CCDC141: variants seen among roughly 807,000 people sequenced by gnomAD.
CCDC141 encodes the protein coiled-coil domain-containing protein 141.
Under a neutral mutation model 181.0 loss-of-function variants are expected in CCDC141, and 168 were observed. The observed-to-expected ratio is 0.93, with a 90% CI of 0.82 to 1.05. The LOEUF (loss-of-function observed/expected upper bound fraction) is 1.05, where lower values mean the gene tolerates loss of function less well. CCDC141 is among the 50% of genes least tolerant of loss of function. The pLI, the probability that CCDC141 is intolerant of heterozygous loss-of-function variation, is 0.00. For synonymous variants in CCDC141, 666 were observed against 642.3 expected (o/e 1.04, Z -0.56); for missense variants, 1,902 against 1,788.5 (o/e 1.06, Z -1.14).
At chr2:178,959,148 T>TG (rs1690285075) in intron 5 of CCDC141, among the ~76,000 whole-genome samples, 1 of 107,692 alleles carries the variant, frequency 9.3e-6, no homozygotes, top group Non-Finnish European at 1.9e-5. Flanking sequence ...TGTTGTGGGG[T>TG]GGGGGAAGGG....
chr2:178,822,059 A>G, the CCDC141 span, among the ~76,000 whole-genome samples: 2 of 152,284 alleles, frequency 1.3e-5, no homozygotes, highest in South Asian at 4.2e-4. Flanking sequence ...CATATACAAC[A>G]TGGAATACTA....
At chr2:179,036,667 C>G (rs1227681273) in intron 2 of CCDC141, among the ~76,000 whole-genome samples, 2 of 152,096 alleles carry the variant, frequency 1.3e-5, no homozygotes, top group African/African-American at 4.8e-5. Flanking sequence ...TTTTCAAAAC[C>G]CTAAAAGAGA....
chr2:179,022,806 C>T (rs2042725465), intron 2 of CCDC141, among the ~76,000 whole-genome samples: 1 of 152,136 alleles, frequency 6.6e-6, no homozygotes, highest in Non-Finnish European at 1.5e-5. Context: ...ATGCCAAGGA[C>T]AGAGGCACAC....
Position 178,882,051 on chromosome 2 carries a change from A to G in CCDC141, c.1719+2850T>C, listed in dbSNP as rs965369651. ...GGACATCACTGTAGAACAAAGGAAA[A>G]GAAGCAATGGAAAAGAAACCTGTTA... On this transcript the variant is annotated intron_variant, in intron 11 of 23. Transcript: ENST00000443758. 1.8e-4 allele frequency among the ~76,000 whole-genome samples: 28 copies of G among 152,086 alleles called. 1 individual carries two copies. The Middle Eastern group carries it at 9.5e-3, about 52-fold the overall frequency.
rs1684199984 is a variant in CCDC141, at chr2:178,830,234, G to A, written c.*3939C>T. On this transcript the variant is annotated 3_prime_UTR_variant, in exon 24 of 24. Transcript: ENST00000443758. ...AAATGTTGGAACAATATTGATCCAG[G>A]AACAACAATCCTGGACCTTTCCTCT... 1 of 152,192 alleles carries A rather than the reference G, an allele frequency of 6.6e-6. No individual in the cohort carries two copies. Among genetic ancestry groups the A allele is most frequent in the Non-Finnish European group, 1.5e-5 (1 of 68,028 alleles). The allele number at this position is 152,192 out of a possible 1,614,324, so 9.4% of individuals were successfully genotyped here. A position where few individuals can be genotyped will look rare whatever the true frequency, so the allele number is the denominator to read the frequency against.
At chr2:178,955,450 C>T (rs980695105) in intron 5 of CCDC141, among the ~76,000 whole-genome samples, 4 of 151,948 alleles carry the variant, frequency 2.6e-5, no homozygotes, top group Non-Finnish European at 5.9e-5. Context: ...ATTAAGAAAT[C>T]GAAGCAACTC....
At chr2:178,903,368 C>G (rs2154372714) in intron 8 of CCDC141, among the ~76,000 whole-genome samples, 1 of 151,992 alleles carries the variant, frequency 6.6e-6, no homozygotes, top group Non-Finnish European at 1.5e-5. Context: ...AAATGTCCAA[C>G]AATGATAGAC....
the CCDC141 span, among the ~76,000 whole-genome samples, chr2:178,820,144 G>A: frequency 6.6e-6 from 1 of 152,162 alleles, no homozygotes; most frequent in African/African-American, 2.4e-5. Context: ...AGTTACTTCT[G>A]TTTGAAAATG....
In CCDC141 at chr2:178,834,073, A is replaced by G; in HGVS notation, c.*100T>C. ...CAAGTATGGTGATCAGACTGGAGAT[A>G]CACTTGGTGGGAGATGCTTTGCAGG... is the stretch of plus-strand genomic sequence containing the variant. On this transcript the variant is annotated 3_prime_UTR_variant, in exon 24 of 24. Coordinates refer to ENST00000443758, the MANE Select transcript of CCDC141 (RefSeq NM_173648.4). 1 of 1,199,530 alleles carries G rather than the reference A, an allele frequency of 8.3e-7. No homozygotes were observed. The highest frequency in any genetic ancestry group is 1.2e-6 in the Non-Finnish European group (1 of 859,582). The allele number at this position is 1,199,530 out of a possible 1,614,324, so 74.3% of individuals were successfully genotyped here.
chr2:178,847,175 T>C (rs1487986418), intron 21 of CCDC141, among the ~76,000 whole-genome samples: 1 of 152,208 alleles, frequency 6.6e-6, no homozygotes, highest in Non-Finnish European at 1.5e-5. Flanking sequence ...AGTTCTTCTC[T>C]GTACCAATCC....
chr2:179,007,163 C>T (rs2042142782), intron 2 of CCDC141, among the ~76,000 whole-genome samples: 1 of 152,178 alleles, frequency 6.6e-6, no homozygotes, highest in African/African-American at 2.4e-5. Context: ...AGATTCTATT[C>T]ACTAGTTACA....
At chr2:179,026,013 T>G (rs2042833485) in intron 2 of CCDC141, among the ~76,000 whole-genome samples, 1 of 152,190 alleles carries the variant, frequency 6.6e-6, no homozygotes, top group South Asian at 2.1e-4. Context: ...TTGGGTGCTG[T>G]TAAAGGCCTT....
Position 178,918,986 on chromosome 2 carries a change from G to A in CCDC141, c.898-79C>T. 2.4e-6 allele frequency: 3 copies of A among 1,268,738 alleles called. No homozygotes were observed. The Middle Eastern group carries it at 6.1e-4, about 258-fold the overall frequency. The allele number at this position is 1,268,738 out of a possible 1,614,324, so 78.6% of individuals were successfully genotyped here. ...GCTTGTGTCCCCCCGAAATTCCTCT[G>A]CTGAAATCTAACCCCCAAGGTGATG... On this transcript the variant is annotated intron_variant, in intron 6 of 23. Coordinates refer to ENST00000443758, the MANE Select transcript of CCDC141 (RefSeq NM_173648.4).
chr2:178,963,361 A>G (rs900107250), intron 4 of CCDC141, among the ~76,000 whole-genome samples: 1 of 152,218 alleles, frequency 6.6e-6, no homozygotes, highest in African/African-American at 2.4e-5. Flanking sequence ...TTATTAGAAG[A>G]AAAGAAAATG....
intron 11 of CCDC141, among the ~76,000 whole-genome samples, chr2:178,879,664 A>AT: frequency 6.6e-6 from 1 of 152,316 alleles, no homozygotes; most frequent in East Asian, 1.9e-4. Flanking sequence ...ACAAAGACAC[A>AT]TATACAGACA....
At chr2:179,015,069 T>TAG (rs1559048367) in intron 2 of CCDC141, among the ~76,000 whole-genome samples, 3 of 13,704 alleles carry the variant, frequency 2.2e-4, no homozygotes, top group South Asian at 1.5e-3. Flanking sequence ...GAGACAGAGA[T>TAG]ATATATATAT....
At chr2:178,815,907 C>T in the CCDC141 span, among the ~76,000 whole-genome samples, 5 of 152,012 alleles carry the variant, frequency 3.3e-5, no homozygotes, top group African/African-American at 1.2e-4. Context: ...AGACTACATT[C>T]ATTAGAGGTT....
the CCDC141 span, chr2:178,817,681 C>T: frequency 1.6e-5 from 6 of 381,038 alleles, no homozygotes. Context: ...TTGCTTCATA[C>T]TAAAAGGAAA....
chr2:178,972,683 A>G (rs1559017860), intron 4 of CCDC141, among the ~76,000 whole-genome samples: 2 of 152,318 alleles, frequency 1.3e-5, no homozygotes, highest in East Asian at 3.9e-4. Context: ...TTTGCTGGAA[A>G]AGACTTTAAC....
Sources: allele counts gnomAD v4.1 joint callset (sites outside exome capture counted in the v4.1 genomes callset), GRCh38; gene constraint gnomAD v4.1.1; transcripts MANE v1.5; gene names NCBI Gene and HGNC (gene_info 2026-07-23, HGNC 2026-07-21).